GPI: variants seen among roughly 807,000 people sequenced by gnomAD.
GPI encodes the protein glucose-6-phosphate isomerase, also known as D-hexose-6-phosphate anomerase.
GPI carries 56 observed loss-of-function variants against 75.8 expected under a neutral mutation model. That is an observed-to-expected ratio of 0.74 (90% CI 0.60 to 0.92). The LOEUF (loss-of-function observed/expected upper bound fraction) is 0.92. GPI is among the 40% of genes least tolerant of loss of function. The pLI, the probability that GPI is intolerant of heterozygous loss-of-function variation, is 0.00. For missense variants in GPI, 638 were observed against 741.0 expected, an observed-to-expected ratio of 0.86 and a Z score of 1.61; for synonymous variants, 288 against 285.4, an observed-to-expected ratio of 1.01 and a Z score of -0.09.
chr19:34,368,991 A>C (rs16969249), intron 4 of GPI, among the ~76,000 whole-genome samples: 6,201 of 152,068 alleles, frequency 0.041, 190 homozygotes, highest in Admixed American at 0.11. Flanking sequence ...AGAGGCTTCA[A>C]ATGAAAAGTG....
At chr19:34,392,186 TG>T (rs1407968772) in intron 9 of GPI, 38 of 2,440 alleles carry the variant, frequency 0.016, no homozygotes, top group African/African-American at 0.029. Flanking sequence ...TGTCAATTTC[TG>T]AGGAGGTTGG....
chr19:34,377,915 C>CTG lies in GPI; in HGVS notation c.633+42_633+43dup, dbSNP rs548540846. The stretch of plus-strand genomic sequence containing the variant: ...GCCGAAAACTGCCCGGCCCCTGGCC[C>CTG]TGTGTGTGTTGGGGTGGGGAGGGAC... On this transcript the variant is annotated intron_variant, in intron 6 of 17. Coordinates refer to ENST00000356487, the MANE Select transcript of GPI (RefSeq NM_000175.5). 1,223 of 1,612,578 alleles carry CTG rather than the reference C, an allele frequency of 7.6e-4. 3 individuals carry two copies. The African/African-American group carries it at 0.014, about 18-fold the overall frequency.
At chr19:34,364,703 C>G (rs1052400579), upstream of GPI, 5 of 391,822 alleles carry the variant, frequency 1.3e-5, no homozygotes, top group Non-Finnish European at 2.3e-5. Flanking sequence ...TAATTGCAAC[C>G]CCGATTCTCA....
intron 9 of GPI, among the ~76,000 whole-genome samples, chr19:34,382,965 A>C (rs947951534): frequency 3.9e-5 from 6 of 152,168 alleles, no homozygotes; most frequent in Non-Finnish European, 7.4e-5. Context: ...ACCCAGGGAT[A>C]GGAGCAGGCG....
intron 4 of GPI, among the ~76,000 whole-genome samples, chr19:34,370,369 T>C (rs117512891): frequency 0.014 from 2,108 of 152,230 alleles, 17 homozygotes; most frequent in Middle Eastern, 0.048. Flanking sequence ...CTAGGAGCAG[T>C]GGCCTCCATG....
intron 4 of GPI, among the ~76,000 whole-genome samples, chr19:34,371,110 G>A (rs142936773): frequency 2.0e-5 from 3 of 152,384 alleles, no homozygotes; most frequent in African/African-American, 4.8e-5. Context: ...GCCACATGGC[G>A]AGGATGGCAC....
Position 34,399,187 on chromosome 19 carries a change from A to G in GPI, c.1270-20A>G. On this transcript the variant is annotated intron_variant, in intron 14 of 17. Transcript: ENST00000356487. ...AGCCCAGACAGTGCTCTCAAGCATAACTGATGTCTCGCTCATCAGATCCTC... is the reference window on the plus strand; with the variant it reads ...AGCCCAGACAGTGCTCTCAAGCATAGCTGATGTCTCGCTCATCAGATCCTC... The G allele has an allele frequency of 1.2e-6, 2 of 1,609,636 alleles. No individual in the cohort carries two copies. Among genetic ancestry groups the G allele is most frequent in the South Asian group, 1.1e-5 (1 of 90,792 alleles).
At chr19:34,376,647 T>A (rs1242945316) in intron 4 of GPI, among the ~76,000 whole-genome samples, 1 of 151,496 alleles carries the variant, frequency 6.6e-6, no homozygotes, top group Non-Finnish European at 1.5e-5. Flanking sequence ...AGGCTGGAGG[T>A]GCAGTGTTGC....
chr19:34,381,099 G>A (rs985451901), intron 8 of GPI: 4 of 370,538 alleles, frequency 1.1e-5, no homozygotes, highest in African/African-American at 8.4e-5. Flanking sequence ...CCCAGTCCTA[G>A]GTTCGGTTCC....
At chr19:34,385,612 G>A (rs920753520) in intron 9 of GPI, among the ~76,000 whole-genome samples, 1 of 152,316 alleles carries the variant, frequency 6.6e-6, no homozygotes, top group Middle Eastern at 3.4e-3. Flanking sequence ...ACAAAGCTGA[G>A]TGTGTTCATG....
upstream of GPI, among the ~76,000 whole-genome samples, chr19:34,361,130 C>T (rs892476367): frequency 2.7e-5 from 4 of 150,590 alleles, no homozygotes; most frequent in South Asian, 6.3e-4. Context: ...CTCGCTCTGT[C>T]GCCCAGGCTG....
In GPI at chr19:34,382,102, G is replaced by A. The variant is rs8191388; in HGVS notation, c.804+583G>A. ...AGCAGTGAGCCACAGCTTTCCTTGT[G>A]CACTTGCCTGAGCTCAGCAGTGGTG... is the stretch of plus-strand genomic sequence containing the variant. On this transcript the variant is annotated intron_variant, in intron 9 of 17. Coordinates refer to ENST00000356487, the MANE Select transcript of GPI (RefSeq NM_000175.5). Among the ~76,000 whole-genome samples, 180 of 152,302 alleles carry A rather than the reference G, an allele frequency of 1.2e-3. 1 individual carries two copies. Among genetic ancestry groups the A allele is most frequent in the African/African-American group, 3.6e-3 (150 of 41,574 alleles).
intron 9 of GPI, among the ~76,000 whole-genome samples, chr19:34,387,274 G>A: frequency 6.6e-6 from 1 of 152,238 alleles, no homozygotes. Context: ...TTGCATCGAT[G>A]CTCAGTGCTG....
intron 4 of GPI, among the ~76,000 whole-genome samples, chr19:34,372,627 G>T (rs2074472615): frequency 6.6e-6 from 1 of 152,156 alleles, no homozygotes; most frequent in Non-Finnish European, 1.5e-5. Flanking sequence ...GAGCAACAGA[G>T]CGAGACCCTG....
chr19:34,368,546 G>T (rs200901502), intron 3 of GPI, 37 bp from the exon 4 acceptor site: 31 of 1,613,066 alleles, frequency 1.9e-5, no homozygotes, highest in South Asian at 9.9e-5. Context: ...CCTGGGGTTG[G>T]GGGGGGCAGT....
chr19:34,378,106 T>C (rs1454894476), intron 6 of GPI, among the ~76,000 whole-genome samples: 1 of 152,234 alleles, frequency 6.6e-6, no homozygotes, highest in Non-Finnish European at 1.5e-5. Flanking sequence ...CTTTGTGTCC[T>C]GACCACACCC....
In GPI at chr19:34,393,760, G is replaced by A; in HGVS notation, c.898G>A (p.Ala300Thr). The A allele has an allele frequency of 6.2e-7, 1 of 1,613,042 alleles. No individual in the cohort carries two copies. ...CAACTTCGAGCAGCTGCTCTCGGGG[G>A]CTCACTGGATGGTGAGTGCTGAGGC... ...FDNFEQLLSGAHWMDQHFRTT... is the reference protein window; with the variant it reads ...FDNFEQLLSGTHWMDQHFRTT... Residue 300 changes from alanine (A) to threonine (T), a missense_variant, in exon 11 of 18, where the codon GCT becomes ACT. Transcript: ENST00000356487. The surrounding 1 kb of genome is among the most constrained non-coding windows in gnomAD (Gnocchi z 4.4).
chr19:34,393,949 C>A lies in GPI; in HGVS notation c.945C>A (p.Asn315Lys), dbSNP rs757463619. The stretch of plus-strand genomic sequence containing the variant: ...TCCGCACGACGCCCCTGGAGAAGAA[C>A]GCCCCCGTCTTGCTGGCCCTGCTGG... Reference protein sequence around the residue: ...QHFRTTPLEKNAPVLLALLGI... With the variant: ...QHFRTTPLEKKAPVLLALLGI... The change falls in exon 12 of 18, where the codon AAC becomes AAA. Residue 315 changes from asparagine (N) to lysine (K), a missense_variant. By Grantham distance (94) the Asn-to-Lys change is moderately conservative. Coordinates refer to ENST00000356487, the MANE Select transcript of GPI (RefSeq NM_000175.5). This position sits in a 1 kb window ranked among gnomAD's most constrained non-coding sequence, Gnocchi z 4.4. 1 of 1,613,676 alleles carries A rather than the reference C, an allele frequency of 6.2e-7. No homozygotes were observed. The highest frequency in any genetic ancestry group is 1.7e-5 in the Admixed American group (1 of 60,010).
chr19:34,395,498 T>C (rs8191420), intron 12 of GPI, among the ~76,000 whole-genome samples: 2,930 of 152,262 alleles, frequency 0.019, 109 homozygotes, highest in African/African-American at 0.067. Flanking sequence ...GCAATGATTC[T>C]ACCACTGTAC....
Sources: gnomAD v4.1 joint callset for allele counts (sites outside exome capture counted in the v4.1 genomes callset) on GRCh38, gnomAD v4.1.1 for gene constraint, Gnocchi (gnomAD v3.1) non-coding constraint, MANE v1.5 for transcripts, NCBI Gene and HGNC (gene_info 2026-07-23, HGNC 2026-07-21) for gene names.